Variants in SIGIRR observed in about 807,000 individuals in gnomAD.
SIGIRR encodes single Ig IL-1-related receptor.
SIGIRR carries 41 observed loss-of-function variants against 45.6 expected under a neutral mutation model. The observed-to-expected ratio is 0.90, with a 90% CI of 0.70 to 1.17. The LOEUF is 1.17. SIGIRR is among the 50% of genes most tolerant of loss of function. The pLI is 0.00. For synonymous variants in SIGIRR, 298 were observed against 239.0 expected (o/e 1.25, Z -2.28); for missense variants, 599 against 539.6 (o/e 1.11, Z -1.09).
intron 9 of SIGIRR, 132 bp from the exon 10 acceptor site, chr11:406,191 G>C (rs1339369561): frequency 4.6e-6 from 7 of 1,537,852 alleles, no homozygotes; most frequent in Admixed American, 2.0e-5. Context: ...GGCAGACCGA[G>C]GGCCGAGCAC....
At position 408,309 on chromosome 11, in the gene SIGIRR, C is replaced by T. The variant is rs1047057121; in HGVS notation, c.207-103G>A. ...CCAGGGAGGCTGCAGAATTGGGCCT[C>T]CTGGGTGGTTCTTGGGCCTTAAGCC... On this transcript the variant is annotated intron_variant, in intron 3 of 9. Transcript: ENST00000431843. 103 of 1,476,242 alleles carry T rather than the reference C, an allele frequency of 7.0e-5. No individual in the cohort carries two copies. The East Asian group carries it at 1.7e-3, about 24-fold the overall frequency. The allele number at this position is 1,476,242 out of a possible 1,614,324, so 91.4% of individuals were successfully genotyped here. A position where few individuals can be genotyped will look rare whatever the true frequency, so the allele number is the denominator to read the frequency against.
chr11:416,300 A>T (rs1847879607), upstream of SIGIRR, among the ~76,000 whole-genome samples: 1 of 151,840 alleles, frequency 6.6e-6, no homozygotes, highest in South Asian at 2.1e-4. The surrounding 1 kb of genome is among the most constrained non-coding windows in gnomAD (Gnocchi z 9.1). Flanking sequence ...ACCCGGTCTC[A>T]GCGTCACCAT....
intron 8 of SIGIRR, 66 bp from the exon 9 acceptor site, chr11:406,604 C>A: frequency 6.6e-7 from 1 of 1,523,330 alleles, no homozygotes; most frequent in Non-Finnish European, 8.8e-7. Flanking sequence ...TCCTGGCCCC[C>A]AAGAGCACAC....
rs572807228 is a variant in SIGIRR, at chr11:406,703, G to A, written c.879+140C>T. 8.1e-5 allele frequency: 115 copies of A among 1,411,636 alleles called. No individual in the cohort carries two copies. The African/African-American group carries it at 1.4e-3, about 18-fold the overall frequency. 87.4% of individuals were successfully genotyped at this position (1,411,636 alleles called of 1,614,324 possible). On this transcript the variant is annotated intron_variant, in intron 8 of 9. Transcript: ENST00000431843. ...GCGGCTCCCCGCATCGGGGCCCCAG[G>A]CAGCGGAACCTCCCCCCAGGGCCCA... is the stretch of plus-strand genomic sequence containing the variant.
At position 406,498 on chromosome 11, in the gene SIGIRR, A is replaced by C; in HGVS notation, c.920T>G (p.Leu307Arg). ...SDFWKEVQLA[L>R]PRKVQYRPVE... is the part of the protein sequence containing the mutation. ...AGGCCTGTACTGCACCTTCCGCGGC[A>C]GCGCCAGCTGCACTTCTTTCCAAAA... Residue 307 changes from leucine (L) to arginine (R), a missense_variant, in exon 9 of 10, where the codon CTG becomes CGG. Coordinates refer to ENST00000431843, the MANE Select transcript of SIGIRR (RefSeq NM_001135054.2). The C allele has an allele frequency of 6.2e-7, 1 of 1,611,318 alleles. No homozygotes were observed. Among genetic ancestry groups the C allele is most frequent in the Non-Finnish European group, 8.5e-7 (1 of 1,178,860 alleles).
At chr11:415,497 G>C (rs781493588), upstream of SIGIRR, among the ~76,000 whole-genome samples, 8 of 152,124 alleles carry the variant, frequency 5.3e-5, no homozygotes, top group Admixed American at 5.2e-4. The surrounding 1 kb of genome is among the most constrained non-coding windows in gnomAD (Gnocchi z 6.6). Context: ...GGGCCGGTTT[G>C]CTCCCCCATG....
chr11:408,692 T>TA lies in SIGIRR; in HGVS notation c.206+2dup. 6.2e-7 allele frequency: 1 copy of TA among 1,612,608 alleles called. No individual in the cohort carries two copies. Among genetic ancestry groups the TA allele is most frequent in the East Asian group, 2.2e-5 (1 of 44,892 alleles). ...TCTGACCCTGGATACCCGGGTCTCT[T>TA]ACCAGGAGTACTCGTGGAGGCTGTA... On this transcript the variant is annotated splice_region_variant and intron_variant, in intron 3 of 9. Coordinates refer to ENST00000431843, the MANE Select transcript of SIGIRR (RefSeq NM_001135054.2).
intron 1 of SIGIRR, among the ~76,000 whole-genome samples, chr11:411,434 A>T (rs1366417050): frequency 3.4e-4 from 1 of 2,956 alleles, no homozygotes. Flanking sequence ...ACAGTCGGGG[A>T]GGGGGGTGCC....
chr11:407,173 G>C lies in SIGIRR; in HGVS notation c.626-9C>G. On this transcript the variant is annotated splice_polypyrimidine_tract_variant and intron_variant, in intron 6 of 9. Coordinates refer to ENST00000431843, the MANE Select transcript of SIGIRR (RefSeq NM_001135054.2). The stretch of plus-strand genomic sequence containing the variant: ...GAGGTCGGCGGAGGGCTCTGCGGGA[G>C]GGCGGGCGTCGGCGGCGCAGGGGCG... The C allele has an allele frequency of 4.2e-6, 6 of 1,432,722 alleles. No homozygotes were observed. The highest frequency in any genetic ancestry group is 5.5e-6 in the Non-Finnish European group (6 of 1,094,340). 88.8% of individuals were successfully genotyped at this position (1,432,722 alleles called of 1,614,324 possible).
At chr11:413,020 C>G (rs1214420558) in intron 1 of SIGIRR, among the ~76,000 whole-genome samples, 1 of 152,154 alleles carries the variant, frequency 6.6e-6, no homozygotes, top group Non-Finnish European at 1.5e-5. Flanking sequence ...CCCCAGGGGC[C>G]TCTCCTCACT....
Position 406,943 on chromosome 11 carries a change from G to A in SIGIRR, c.779C>T (p.Thr260Ile). ...LELTRRPIFI[T>I]FEGQRRDPAH... ...GGGGTCGCGCCTCTGGCCCTCGAAG[G>A]TGATGAAGATGGGTCTGCGGGTGAG... Residue 260 changes from threonine (T) to isoleucine (I), a missense_variant, in exon 8 of 10, where the codon ACC (threonine) becomes ATC (isoleucine). Physicochemically the swap from Thr to Ile is moderately conservative, Grantham distance 89. Coordinates refer to ENST00000431843, the MANE Select transcript of SIGIRR (RefSeq NM_001135054.2). 6.2e-7 allele frequency: 1 copy of A among 1,602,324 alleles called. No homozygotes were observed. The highest frequency in any genetic ancestry group is 2.2e-5 in the East Asian group (1 of 44,634).
intron 8 of SIGIRR, 39 bp from the exon 9 acceptor site, chr11:406,577 C>T (rs747676522): frequency 7.7e-6 from 12 of 1,563,998 alleles, no homozygotes; most frequent in South Asian, 7.0e-5. Flanking sequence ...GTGTGAACAC[C>T]TCGGAAGCCC....
At chr11:409,435 G>T (rs1847492988) in intron 2 of SIGIRR, 1 of 260,792 alleles carries the variant, frequency 3.8e-6, no homozygotes, top group Non-Finnish European at 7.5e-6. Context: ...GGGGTCTTGG[G>T]GCCCTCTGCT....
At chr11:416,089 T>TC (rs1283898779), upstream of SIGIRR, among the ~76,000 whole-genome samples, 2 of 152,040 alleles carry the variant, frequency 1.3e-5, no homozygotes, top group African/African-American at 4.8e-5. This position sits in a 1 kb window ranked among gnomAD's most constrained non-coding sequence, Gnocchi z 9.1. Context: ...CAGCACCCCT[T>TC]CCCCCACAGA....
intron 1 of SIGIRR, among the ~76,000 whole-genome samples, chr11:410,409 GAC>G (rs1360463674): frequency 6.6e-6 from 1 of 152,220 alleles, no homozygotes; most frequent in African/African-American, 2.4e-5. Context: ...CAGTGCCAGA[GAC>G]ACAGCCTGGC....
chr11:406,184 A>C (rs1348369457), intron 9 of SIGIRR, 125 bp from the exon 10 acceptor site: 1 of 1,537,666 alleles, frequency 6.5e-7, no homozygotes, highest in East Asian at 2.4e-5. Flanking sequence ...GTTCCCAGGC[A>C]GACCGAGGGC....
At chr11:415,287 G>A (rs1047344140), upstream of SIGIRR, among the ~76,000 whole-genome samples, 2 of 151,152 alleles carry the variant, frequency 1.3e-5, no homozygotes, top group African/African-American at 4.9e-5. The surrounding 1 kb of genome is among the most constrained non-coding windows in gnomAD (Gnocchi z 6.6). Context: ...TGTGCAGTAT[G>A]TGCGTGTGCG....
chr11:416,905 GC>G (rs1847901438), upstream of SIGIRR, among the ~76,000 whole-genome samples: 1 of 152,216 alleles, frequency 6.6e-6, no homozygotes, highest in Admixed American at 6.5e-5. This position sits in a 1 kb window ranked among gnomAD's most constrained non-coding sequence, Gnocchi z 9.1. Context: ...TCCACCCGGC[GC>G]CGGGCGAGCT....
intron 5 of SIGIRR, 110 bp from the exon 6 acceptor site, chr11:407,678 G>C (rs1238551735): frequency 1.9e-6 from 3 of 1,558,466 alleles, no homozygotes; most frequent in African/African-American, 1.4e-5. Context: ...ACCCGCCCCG[G>C]ACTTTAACCC....
Sources: gnomAD v4.1 joint callset for allele counts (sites outside exome capture counted in the v4.1 genomes callset) on GRCh38, gnomAD v4.1.1 for gene constraint, Gnocchi (gnomAD v3.1) non-coding constraint, MANE v1.5 for transcripts, NCBI Gene and HGNC (gene_info 2026-07-23, HGNC 2026-07-21) for gene names.